Variants in DNAJC10 observed in about 807,000 individuals in gnomAD.
DNAJC10 encodes endoplasmic reticulum disulfide reductase DNAJC10.
A neutral mutation model predicts 115.0 loss-of-function variants in DNAJC10; 101 were observed. The ratio of observed to expected loss-of-function variants is 0.88; its 90% CI spans 0.75 to 1.04. DNAJC10 has a LOEUF of 1.04. Among genes scored for constraint, DNAJC10 ranks in the 50% least tolerant of loss-of-function variants. DNAJC10 has a pLI of 0.00. For missense variants in DNAJC10, 981 were observed against 928.8 expected (o/e 1.06, Z -0.73); for synonymous variants, 307 against 301.5 (o/e 1.02, Z -0.19).
intron 10 of DNAJC10, among the ~76,000 whole-genome samples, chr2:182,733,332 CTT>C (rs1447341445): frequency 6.6e-6 from 1 of 151,868 alleles, no homozygotes; most frequent in Non-Finnish European, 1.5e-5. Context: ...AAATCACTAA[CTT>C]AGTATGCTTT....
chr2:182,728,517 A>G, intron 5 of DNAJC10, 59 bp from the exon 6 acceptor site: 1 of 1,280,936 alleles, frequency 7.8e-7, no homozygotes, highest in Non-Finnish European at 1.1e-6. Context: ...TTTTTAACTA[A>G]AATATGCATG....
intron 14 of DNAJC10, among the ~76,000 whole-genome samples, chr2:182,749,120 A>G (rs1198135335): frequency 1.3e-5 from 2 of 151,930 alleles, no homozygotes; most frequent in African/African-American, 4.8e-5. Flanking sequence ...TGCTGAAAAA[A>G]ATGTATATTC....
Position 182,775,337 on chromosome 2 carries a change from A to G in DNAJC10, c.2287A>G (p.Ile763Val), listed in dbSNP as rs1694677758. 3 of 1,610,840 alleles carry G rather than the reference A, an allele frequency of 1.9e-6. No individual in the cohort carries two copies. Among genetic ancestry groups the G allele is most frequent in the Non-Finnish European group, 2.5e-6 (3 of 1,177,566 alleles). The change falls in exon 23 of 24, where the codon ATA becomes GTA. Residue 763 changes from isoleucine (I) to valine (V), a missense_variant. Physicochemically the swap from Ile to Val is conservative, Grantham distance 29 (BLOSUM62 3). Coordinates refer to ENST00000264065, the MANE Select transcript of DNAJC10 (RefSeq NM_018981.4). ...TTAGAGAAATTTTCAAGAAGAGCAG[A>G]TAAATACCAGAGATGCAAAAGCAAT... is the stretch of plus-strand genomic sequence containing the variant. ...RAKRNFQEEQ[I>V]NTRDAKAIAA...
chr2:182,743,264 T>G (rs965310996), intron 13 of DNAJC10, among the ~76,000 whole-genome samples: 1 of 152,236 alleles, frequency 6.6e-6, no homozygotes, highest in African/African-American at 2.4e-5. Flanking sequence ...CACTTTTTTC[T>G]TCATTATTTC....
chr2:182,758,920 A>G (rs1228182991), intron 20 of DNAJC10, 30 bp downstream of exon 20: 1 of 1,502,656 alleles, frequency 6.7e-7, no homozygotes, highest in Non-Finnish European at 9.2e-7. Context: ...ATCATTGTAT[A>G]AAATAGATTC....
intron 10 of DNAJC10, among the ~76,000 whole-genome samples, chr2:182,733,511 T>A (rs1693503673): frequency 6.6e-6 from 1 of 151,718 alleles, no homozygotes. Flanking sequence ...ATTAGTATCT[T>A]TATTTTTTTT....
Position 182,718,111 on chromosome 2 carries a change from G to T in DNAJC10, c.25G>T (p.Asp9Tyr). The change falls in exon 3 of 24, where the codon GAC (aspartate) becomes TAC (tyrosine). Residue 9 changes from aspartate to tyrosine, a missense_variant. Coordinates refer to ENST00000264065, the MANE Select transcript of DNAJC10 (RefSeq NM_018981.4). MGVWLNKD[D>Y]YIRDLKRIIL... ...AATGGGAGTCTGGTTAAATAAAGAT[G>T]ACTATATCAGAGACTTGAAAAGGAT... 1.2e-6 allele frequency: 2 copies of T among 1,607,146 alleles called. No individual in the cohort carries two copies. The highest frequency in any genetic ancestry group is 2.2e-5 in the South Asian group (2 of 89,378).
At chr2:182,763,779 T>C (rs1694345085) in intron 22 of DNAJC10, among the ~76,000 whole-genome samples, 1 of 152,180 alleles carries the variant, frequency 6.6e-6, no homozygotes, top group South Asian at 2.1e-4. Flanking sequence ...TAGCACATGC[T>C]GGTCATCCAA....
rs1455033139 is a variant in DNAJC10 at position 182,776,264 on chromosome 2, T to C, written c.2370+844T>C. On this transcript the variant is annotated intron_variant, in intron 23 of 23. Coordinates refer to ENST00000264065, the MANE Select transcript of DNAJC10 (RefSeq NM_018981.4). Reference sequence around the variant, plus strand: ...CACGTTTTGAATAGCAAATTTTCTTTTGTTCTTGGTGTAATCAGAATGTAT... The same window carrying C: ...CACGTTTTGAATAGCAAATTTTCTTCTGTTCTTGGTGTAATCAGAATGTAT... Among the ~76,000 whole-genome samples, 4 of 152,232 alleles carry C rather than the reference T, an allele frequency of 2.6e-5. No individual in the cohort carries two copies. In the East Asian group the frequency reaches 7.7e-4, roughly 29 times the overall value.
rs939384808 is a variant in DNAJC10 at position 182,790,686 on chromosome 2, G to T, written c.*13554G>T. The T allele has an allele frequency of 3.3e-5, 5 of 151,830 alleles. No homozygotes were observed. Among genetic ancestry groups the T allele is most frequent in the Non-Finnish European group, 5.9e-5 (4 of 68,032 alleles). 9.4% of individuals were successfully genotyped at this position (151,830 alleles called of 1,614,324 possible). A position where few individuals can be genotyped will look rare whatever the true frequency, so the allele number is the denominator to read the frequency against. ...CGCCTGTAATCCCAGCTACTTGGGA[G>T]TCTGAGACAGGAAAATCGCTTGAAC... On this transcript the variant is annotated 3_prime_UTR_variant, in exon 24 of 24. Coordinates refer to ENST00000264065, the MANE Select transcript of DNAJC10 (RefSeq NM_018981.4).
intron 5 of DNAJC10, among the ~76,000 whole-genome samples, chr2:182,726,517 G>C (rs930569343): frequency 6.6e-6 from 1 of 152,040 alleles, no homozygotes; most frequent in African/African-American, 2.4e-5. Context: ...TTCTACTGTG[G>C]GTCAGATGCC....
chr2:182,772,009 G>T (rs1231518426), intron 22 of DNAJC10, among the ~76,000 whole-genome samples: 1 of 152,148 alleles, frequency 6.6e-6, no homozygotes, highest in Non-Finnish European at 1.5e-5. Flanking sequence ...CAGAGATTCT[G>T]GTATGTTGTG....
rs1376989650 is a variant in DNAJC10, at chr2:182,778,238, T to C, written c.*1106T>C. On this transcript the variant is annotated 3_prime_UTR_variant, in exon 24 of 24. Transcript: ENST00000264065. ...CAGGTTGTTTTACTGTAGCTTATAATGATACTGTAGTTATTCCAGTTACTA... is the reference window on the plus strand; with the variant it reads ...CAGGTTGTTTTACTGTAGCTTATAACGATACTGTAGTTATTCCAGTTACTA... The C allele has an allele frequency of 1.3e-5, 2 of 152,202 alleles. No individual in the cohort carries two copies. The highest frequency in any genetic ancestry group is 2.4e-5 in the African/African-American group (1 of 41,452). The allele number at this position is 152,202 out of a possible 1,614,324, so 9.4% of individuals were successfully genotyped here.
intron 21 of DNAJC10, 103 bp downstream of exon 21, chr2:182,759,410 T>G: frequency 9.1e-7 from 1 of 1,101,030 alleles, no homozygotes; most frequent in Non-Finnish European, 1.3e-6. Flanking sequence ...CTTAAATGTT[T>G]CCTCTGAATT....
intron 22 of DNAJC10, among the ~76,000 whole-genome samples, chr2:182,763,925 C>T (rs1694348946): frequency 6.6e-6 from 1 of 152,072 alleles, no homozygotes; most frequent in African/African-American, 2.4e-5. Flanking sequence ...ATATGTTTAA[C>T]CCAGACAACC....
intron 16 of DNAJC10, among the ~76,000 whole-genome samples, chr2:182,752,886 G>T (rs1694060386): frequency 1.3e-5 from 2 of 152,082 alleles, no homozygotes; most frequent in Admixed American, 1.3e-4. Context: ...GTATATAGTG[G>T]AGGAGAGATT....
chr2:182,758,601 C>T (rs1559019829), intron 19 of DNAJC10, among the ~76,000 whole-genome samples: 1 of 152,106 alleles, frequency 6.6e-6, no homozygotes, highest in Non-Finnish European at 1.5e-5. Flanking sequence ...CAGGAGATGT[C>T]CAGTAGACAG....
intron 13 of DNAJC10, among the ~76,000 whole-genome samples, chr2:182,741,822 C>T (rs534601762): frequency 6.6e-5 from 10 of 152,148 alleles, no homozygotes; most frequent in Non-Finnish European, 1.3e-4. Context: ...CATATGTAGG[C>T]ATATGTATAT....
rs116185551 is a variant in DNAJC10, at chr2:182,757,676, G to T, written c.1810-16G>T. ...ATGTAAAAAGTTATGGAGGTAATCTGTTTTTTCTTTTACAGACATTAACTG... is the reference window on the plus strand; with the variant it reads ...ATGTAAAAAGTTATGGAGGTAATCTTTTTTTTCTTTTACAGACATTAACTG... On this transcript the variant is annotated splice_polypyrimidine_tract_variant and intron_variant, in intron 18 of 23. Transcript: ENST00000264065. 4.3e-3 allele frequency: 6,350 copies of T among 1,493,810 alleles called. 236 individuals are homozygous for T. The African/African-American group carries it at 0.079, about 19-fold the overall frequency. The allele number at this position is 1,493,810 out of a possible 1,614,324, so 92.5% of individuals were successfully genotyped here.
Sources: allele counts gnomAD v4.1 joint callset (sites outside exome capture counted in the v4.1 genomes callset), GRCh38; gene constraint gnomAD v4.1.1; transcripts MANE v1.5; gene names NCBI Gene and HGNC (gene_info 2026-07-23, HGNC 2026-07-21).